Variants in ADNP observed in about 807,000 individuals in gnomAD.
The protein encoded by ADNP is activity-dependent neuroprotector homeobox protein.
In ADNP, 4 loss-of-function variants were observed where a neutral mutation model predicts 84.9. The observed-to-expected ratio is 0.05, with a 90% CI of 0.02 to 0.11. ADNP has a LOEUF of 0.11. Among genes scored for constraint, ADNP ranks in the 10% least tolerant of loss-of-function variants. The pLI is 1.00. For synonymous variants in ADNP, 554 were observed against 468.1 expected, an observed-to-expected ratio of 1.18 and a Z score of -2.37; for missense variants, 1,132 against 1,326.0, an observed-to-expected ratio of 0.85 and a Z score of 2.27.
intron 2 of ADNP, among the ~76,000 whole-genome samples, chr20:50,910,692 T>C (rs1982941201): frequency 6.6e-6 from 1 of 152,122 alleles, no homozygotes; most frequent in African/African-American, 2.4e-5. Flanking sequence ...TCACTCTGTG[T>C]TACCCAGGCT....
At chr20:50,908,379 T>A (rs767592761) in intron 2 of ADNP, among the ~76,000 whole-genome samples, 4 of 152,148 alleles carry the variant, frequency 2.6e-5, no homozygotes, top group Non-Finnish European at 5.9e-5. Flanking sequence ...TCAATCATTA[T>A]GGGTGATAAG....
chr20:50,896,083 C>T (rs1371335847), intron 5 of ADNP, among the ~76,000 whole-genome samples: 4 of 151,522 alleles, frequency 2.6e-5, no homozygotes, highest in African/African-American at 9.7e-5. Context: ...AAAATAGCTG[C>T]ACATGGTGGC....
chr20:50,893,792 A>T lies in ADNP; in HGVS notation c.922T>A (p.Ser308Thr). 6.2e-7 allele frequency: 1 copy of T among 1,614,234 alleles called. No homozygotes were observed. Reference sequence around the variant, plus strand: ...GAATTTAAGTTAGGCTTTGGTATTGAGAGTCGATTCACCATCTGCTGTGAT... The same window carrying T: ...GAATTTAAGTTAGGCTTTGGTATTGTGAGTCGATTCACCATCTGCTGTGAT... ...LPSQQMVNRL[S>T]IPKPNLNSTG... is the part of the protein sequence containing the mutation. The change falls in exon 6 of 6, where the codon TCA becomes ACA. Residue 308 changes from serine to threonine, a missense_variant. Coordinates refer to ENST00000621696, the MANE Select transcript of ADNP (RefSeq NM_001282531.3). This position sits in a 1 kb window ranked among gnomAD's most constrained non-coding sequence, Gnocchi z 4.4.
intron 2 of ADNP, among the ~76,000 whole-genome samples, chr20:50,923,258 CT>C (rs1196357052): frequency 3.3e-5 from 5 of 152,206 alleles, no homozygotes; most frequent in African/African-American, 9.7e-5. Flanking sequence ...TTTTGATCCC[CT>C]AATAATACAT....
At chr20:50,923,604 G>A (rs1477118940) in intron 2 of ADNP, among the ~76,000 whole-genome samples, 11 of 152,048 alleles carry the variant, frequency 7.2e-5, no homozygotes, top group East Asian at 1.9e-4. Flanking sequence ...TGCAACCTCC[G>A]CCTCCCAGGT....
intron 2 of ADNP, among the ~76,000 whole-genome samples, chr20:50,917,272 C>A (rs1461424482): frequency 6.6e-6 from 1 of 152,210 alleles, no homozygotes; most frequent in Admixed American, 6.5e-5. Context: ...GCCAAACCAG[C>A]TGAAGCAGCA....
At chr20:50,923,807 C>G (rs118030936) in intron 2 of ADNP, among the ~76,000 whole-genome samples, 179 of 152,280 alleles carry the variant, frequency 1.2e-3, no homozygotes, top group Non-Finnish European at 2.2e-3. Context: ...TGTAAGCCAC[C>G]GCACCCATCC....
chr20:50,894,023 T>G lies in ADNP; in HGVS notation c.691A>C (p.Lys231Gln). The G allele has an allele frequency of 6.2e-7, 1 of 1,614,202 alleles. No individual in the cohort carries two copies. ...IHCKRCLFMP[K>Q]SYEALVQHVI... ...TGCTGTACCAAAGCTTCATAGGACT[T>G]TGGCATGAAAAGGCATCGCTTGCAG... The change falls in exon 6 of 6, where the codon AAG (lysine) becomes CAG (glutamine). Residue 231 changes from lysine (K) to glutamine (Q), a missense_variant. By Grantham distance (53) the Lys-to-Gln change is moderately conservative. This residue lies in a region of ADNP where 130 missense variants were observed against 183.7 expected (regional missense o/e 0.71). Transcript: ENST00000621696.
intron 2 of ADNP, among the ~76,000 whole-genome samples, chr20:50,923,180 G>A (rs1406859189): frequency 6.6e-6 from 1 of 152,166 alleles, no homozygotes; most frequent in Non-Finnish European, 1.5e-5. Context: ...AGGACACGCA[G>A]ATATGTCCAT....
At chr20:50,914,119 C>T (rs1983312969) in intron 2 of ADNP, 3 of 765,836 alleles carry the variant, frequency 3.9e-6, no homozygotes, top group Non-Finnish European at 4.6e-6. Context: ...TGGGGCTAAT[C>T]CAGATGGTAA....
rs150844515 is a variant in ADNP at position 50,897,645 on chromosome 20, C to T, written c.202-3133G>A. 6.7e-3 allele frequency among the ~76,000 whole-genome samples: 1,024 copies of T among 152,288 alleles called. 10 individuals are homozygous for T. Among genetic ancestry groups the T allele is most frequent in the Middle Eastern group, 0.048 (14 of 294 alleles). On this transcript the variant is annotated intron_variant, in intron 5 of 5. Coordinates refer to ENST00000621696, the MANE Select transcript of ADNP (RefSeq NM_001282531.3). ...CCTTCCAGAATTGTATCAGAATCTTCTCAGTGTCTCCCTAAGCTGCGACGA... is the reference window on the plus strand; with the variant it reads ...CCTTCCAGAATTGTATCAGAATCTTTTCAGTGTCTCCCTAAGCTGCGACGA...
At chr20:50,928,325 T>C (rs1984421288) in intron 2 of ADNP, among the ~76,000 whole-genome samples, 1 of 152,210 alleles carries the variant, frequency 6.6e-6, no homozygotes, top group African/African-American at 2.4e-5. Context: ...TCATCAGACA[T>C]TTAAGGCTTT....
At chr20:50,923,130 C>T (rs1043754164) in intron 2 of ADNP, among the ~76,000 whole-genome samples, 1 of 152,098 alleles carries the variant, frequency 6.6e-6, no homozygotes, top group Non-Finnish European at 1.5e-5. Flanking sequence ...AGCCAGGAAC[C>T]GTGGTGGATG....
Position 50,892,607 on chromosome 20 carries a change from G to A in ADNP, c.2107C>T (p.Pro703Ser). The A allele has an allele frequency of 1.2e-6, 2 of 1,614,212 alleles. No individual in the cohort carries two copies. Among genetic ancestry groups the A allele is most frequent in the South Asian group, 1.1e-5 (1 of 91,086 alleles). The change falls in exon 6 of 6, where the codon CCC becomes TCC. Residue 703 changes from proline (P) to serine (S), a missense_variant. Physicochemically the swap from Pro to Ser is moderately conservative, Grantham distance 74. Coordinates refer to ENST00000621696, the MANE Select transcript of ADNP (RefSeq NM_001282531.3). Reference sequence around the variant, plus strand: ...CTTGGAGACTGATTAAGCCGAGAGGGTGCATTTGTCTTATCCTGGCCATTT... The same window carrying A: ...CTTGGAGACTGATTAAGCCGAGAGGATGCATTTGTCTTATCCTGGCCATTT... ...TQNGQDKTNA[P>S]SRLNQSPSLA...
At chr20:50,927,226 A>G (rs1984348029) in intron 2 of ADNP, among the ~76,000 whole-genome samples, 1 of 152,176 alleles carries the variant, frequency 6.6e-6, no homozygotes, top group South Asian at 2.1e-4. Context: ...AGCAAAGCAA[A>G]GCAAATTCAC....
chr20:50,928,974 A>C (rs1984464433), intron 1 of ADNP, 149 bp from the exon 2 acceptor site: 1 of 152,248 alleles, frequency 6.6e-6, no homozygotes, highest in South Asian at 2.1e-4. Flanking sequence ...TTTGGAGGGA[A>C]ACGAAATTTT....
intron 4 of ADNP, among the ~76,000 whole-genome samples, chr20:50,903,661 G>A (rs527434894): frequency 6.6e-6 from 1 of 152,182 alleles, no homozygotes; most frequent in African/African-American, 2.4e-5. Context: ...TTCAACGCCT[G>A]ACATGCTTAA....
At chr20:50,930,276 G>A (rs1394952398) in intron 1 of ADNP, among the ~76,000 whole-genome samples, 2 of 152,166 alleles carry the variant, frequency 1.3e-5, no homozygotes, top group Admixed American at 6.5e-5. Flanking sequence ...AGGATAAGAG[G>A]AAAGCTGGCA....
At chr20:50,905,950 C>T (rs145306950) in intron 2 of ADNP, among the ~76,000 whole-genome samples, 200 of 152,276 alleles carry the variant, frequency 1.3e-3, no homozygotes, top group African/African-American at 3.9e-3. Context: ...TGGTGCCTCA[C>T]GCCTGTAATC....
Sources: gnomAD v4.1 joint callset for allele counts (sites outside exome capture counted in the v4.1 genomes callset) on GRCh38, gnomAD v4.1.1 for gene constraint, gnomAD v4.1.1 regional missense constraint, Gnocchi (gnomAD v3.1) non-coding constraint, MANE v1.5 for transcripts, NCBI Gene and HGNC (gene_info 2026-07-23, HGNC 2026-07-21) for gene names.